The following SNTG1 variants were observed in gnomAD, a reference collection of about 807,000 sequenced individuals.
SNTG1 encodes syntrophin gamma 1, also known as gamma-1-syntrophin.
A neutral mutation model predicts 74.7 loss-of-function variants in SNTG1; 39 were observed. That is an observed-to-expected ratio of 0.52 (90% confidence interval 0.40 to 0.68). The LOEUF (loss-of-function observed/expected upper bound fraction) is 0.68. Ranked by LOEUF, SNTG1 falls within the 30% of genes least tolerant of loss-of-function variation. The pLI, the probability that SNTG1 is intolerant of heterozygous loss-of-function variation, is 0.00. For missense variants in SNTG1, 685 were observed against 609.5 expected, an observed-to-expected ratio of 1.12 and a Z score of -1.30; for synonymous variants, 254 against 217.1, an observed-to-expected ratio of 1.17 and a Z score of -1.49.
intron 1 of SNTG1, among the ~76,000 whole-genome samples, chr8:50,142,605 T>C (rs1301532218): frequency 2.6e-5 from 4 of 152,054 alleles, no homozygotes; most frequent in Non-Finnish European, 5.9e-5. Flanking sequence ...TTAGGTTTAT[T>C]CAGGAAGAGA....
chr8:50,312,666 C>T (rs1284870540), intron 2 of SNTG1, among the ~76,000 whole-genome samples: 1 of 149,766 alleles, frequency 6.7e-6, no homozygotes, highest in Non-Finnish European at 1.5e-5. Flanking sequence ...TAGGCCACCT[C>T]ATACCCATTA....
At position 49,938,544 on chromosome 8, in the gene SNTG1, C is replaced by CTTCTTTCTT. The variant is rs71550209; in HGVS notation, c.-103+26319_-103+26320insCTTTTCTTT. Among the ~76,000 whole-genome samples the CTTCTTTCTT allele has an allele frequency of 7.7e-4, 81 of 105,130 alleles. 6 individuals carry two copies. Among genetic ancestry groups the CTTCTTTCTT allele is most frequent in the African/African-American group, 2.9e-3 (74 of 25,472 alleles). The allele number at this position is 105,130 out of a possible 152,430, so 69.0% of individuals were successfully genotyped here. A position where few individuals can be genotyped will look rare whatever the true frequency, so the allele number is the denominator to read the frequency against. The stretch of plus-strand genomic sequence containing the variant: ...TTTGTCCCTCCCTATCTTACCATGC[C>CTTCTTTCTT]TTCTTTTCTTTTGTTTTCTTTTCTT... On this transcript the variant is annotated intron_variant, in intron 1 of 18. Transcript: ENST00000642720.
intron 17 of SNTG1, among the ~76,000 whole-genome samples, chr8:50,733,814 C>T (rs941764006): frequency 2.6e-5 from 4 of 151,336 alleles, no homozygotes; most frequent in Non-Finnish European, 5.9e-5. Context: ...GTTTTTCTTA[C>T]ATTTTATCGT....
intron 2 of SNTG1, among the ~76,000 whole-genome samples, chr8:50,384,836 C>T (rs1373988855): frequency 6.6e-6 from 1 of 152,076 alleles, no homozygotes; most frequent in Non-Finnish European, 1.5e-5. Context: ...GCCTTAGGGT[C>T]TGCTTGAGCC....
At chr8:50,135,520 T>C (rs1345131002) in intron 1 of SNTG1, among the ~76,000 whole-genome samples, 1 of 152,156 alleles carries the variant, frequency 6.6e-6, no homozygotes, top group African/African-American at 2.4e-5. Flanking sequence ...AAGTGATCAG[T>C]AGGAAGCAAG....
intron 1 of SNTG1, among the ~76,000 whole-genome samples, chr8:49,972,261 G>A (rs1192546157): frequency 6.6e-6 from 1 of 152,140 alleles, no homozygotes; most frequent in Non-Finnish European, 1.5e-5. Context: ...AACAAGAAAT[G>A]AGGAAAGGAT....
chr8:50,778,711 G>C (rs60340367), intron 18 of SNTG1, among the ~76,000 whole-genome samples: 1 of 143,662 alleles, frequency 7.0e-6, no homozygotes, highest in Admixed American at 6.7e-5. Context: ...AGTTTAATTA[G>C]ATCCCATTTG....
At chr8:50,196,485 T>G (rs1285079388) in intron 2 of SNTG1, among the ~76,000 whole-genome samples, 1 of 152,144 alleles carries the variant, frequency 6.6e-6, no homozygotes, top group Non-Finnish European at 1.5e-5. Flanking sequence ...TTACAGCAAG[T>G]GTGGATGGTT....
intron 1 of SNTG1, among the ~76,000 whole-genome samples, chr8:49,927,934 G>A (rs1001411605): frequency 2.6e-5 from 4 of 151,782 alleles, no homozygotes; most frequent in Non-Finnish European, 4.4e-5. Context: ...AGCCAACATA[G>A]TAAAACCCCT....
At chr8:49,940,498 TA>T (rs372914857) in intron 1 of SNTG1, among the ~76,000 whole-genome samples, 10 of 152,316 alleles carry the variant, frequency 6.6e-5, no homozygotes, top group East Asian at 1.9e-4. Context: ...GAAATTCATG[TA>T]AAAAAATCCT....
At chr8:50,124,884 G>T (rs188033579) in intron 1 of SNTG1, among the ~76,000 whole-genome samples, 1 of 141,876 alleles carries the variant, frequency 7.0e-6, no homozygotes, top group East Asian at 2.0e-4. Context: ...AATATTTGTT[G>T]TGTTAAAGGG....
intron 18 of SNTG1, among the ~76,000 whole-genome samples, chr8:50,764,668 TTGG>T (rs1366183685): frequency 6.6e-6 from 1 of 151,978 alleles, no homozygotes. Flanking sequence ...CTGTATGCTG[TTGG>T]TGGCAATGTA....
At chr8:50,210,968 T>C (rs1046056232) in intron 2 of SNTG1, among the ~76,000 whole-genome samples, 1 of 152,166 alleles carries the variant, frequency 6.6e-6, no homozygotes, top group Non-Finnish European at 1.5e-5. Context: ...TAGTGCAAAA[T>C]ACCCCTGCAA....
At chr8:50,525,024 T>G (rs1199123242) in intron 9 of SNTG1, among the ~76,000 whole-genome samples, 1 of 152,146 alleles carries the variant, frequency 6.6e-6, no homozygotes, top group Non-Finnish European at 1.5e-5. Context: ...TTACTTCAAT[T>G]TGAAGAATTG....
At chr8:50,723,921 G>T (rs946274913) in intron 17 of SNTG1, among the ~76,000 whole-genome samples, 20 of 152,162 alleles carry the variant, frequency 1.3e-4, no homozygotes, top group Non-Finnish European at 2.9e-4. Context: ...TATGAAATGA[G>T]TAGGAGTAAA....
At chr8:50,276,149 C>T (rs1243583854) in intron 2 of SNTG1, among the ~76,000 whole-genome samples, 1 of 152,102 alleles carries the variant, frequency 6.6e-6, no homozygotes, top group East Asian at 1.9e-4. Flanking sequence ...AGGGAGACAG[C>T]TGTGATTTGC....
At chr8:50,502,604 T>C (rs2093970523) in intron 8 of SNTG1, among the ~76,000 whole-genome samples, 174 bp from the exon 9 acceptor site, 1 of 152,124 alleles carries the variant, frequency 6.6e-6, no homozygotes, top group South Asian at 2.1e-4. Context: ...AGGATGAACA[T>C]TGATGGCTCT....
chr8:50,506,093 A>G (rs886301575), intron 9 of SNTG1, among the ~76,000 whole-genome samples: 3 of 152,060 alleles, frequency 2.0e-5, no homozygotes, highest in Non-Finnish European at 2.9e-5. Context: ...AATATAATTA[A>G]TTGAAGAGAA....
At chr8:49,934,856 G>A (rs1807914850) in intron 1 of SNTG1, among the ~76,000 whole-genome samples, 1 of 151,708 alleles carries the variant, frequency 6.6e-6, no homozygotes, top group African/African-American at 2.4e-5. Context: ...GCTCAAATGG[G>A]ATAGGATTAG....
Sources: gnomAD v4.1 joint callset for allele counts (sites outside exome capture counted in the v4.1 genomes callset) on GRCh38, gnomAD v4.1.1 for gene constraint, MANE v1.5 for transcripts, NCBI Gene and HGNC (gene_info 2026-07-23, HGNC 2026-07-21) for gene names.